Variants in AGAP1 observed in about 807,000 individuals in gnomAD.
The protein encoded by AGAP1 is ArfGAP with GTPase domain, ankyrin repeat and PH domain 1.
In AGAP1, 29 loss-of-function variants were observed where a neutral mutation model predicts 105.3. The ratio of observed to expected loss-of-function variants is 0.28; its 90% confidence interval spans 0.21 to 0.38. AGAP1 has a LOEUF of 0.38. AGAP1 is among the 10% of genes least tolerant of loss of function. The probability of loss-of-function intolerance (pLI) is 1.00; values close to 1 mark genes in which losing one functional copy is unlikely to be tolerated. For missense variants in AGAP1, 998 were observed against 1,165.1 expected, an observed-to-expected ratio of 0.86 and a Z score of 2.09; for synonymous variants, 509 against 485.9, an observed-to-expected ratio of 1.05 and a Z score of -0.63.
At chr2:235,920,663 A>T (rs2052139941) in intron 11 of AGAP1, among the ~76,000 whole-genome samples, 1 of 152,216 alleles carries the variant, frequency 6.6e-6, no homozygotes, top group African/African-American at 2.4e-5. Flanking sequence ...TACAGCACTA[A>T]AGCAAACAGG....
rs1250385668 is a variant in AGAP1, at chr2:235,930,384, G to A, written c.1325-381G>A. 6.6e-6 allele frequency among the ~76,000 whole-genome samples: 1 copy of A among 152,166 alleles called. No homozygotes were observed. The highest frequency in any genetic ancestry group is 6.5e-5 in the Admixed American group (1 of 15,284). On this transcript the variant is annotated intron_variant, in intron 11 of 17. Coordinates refer to ENST00000304032, the MANE Select transcript of AGAP1 (RefSeq NM_001037131.3). The surrounding 1 kb of genome is among the most constrained non-coding windows in gnomAD (Gnocchi z 7.9). ...GTTCCATTGGTAGGGTGACATGGCC[G>A]GGCTCCTGGAGCCCCCATCTTGCCG...
rs1360595731 is a variant in AGAP1 at position 235,609,285 on chromosome 2, G to C, written c.164-99894G>C. On this transcript the variant is annotated intron_variant, in intron 1 of 17. Transcript: ENST00000304032. This position sits in a 1 kb window ranked among gnomAD's most constrained non-coding sequence, Gnocchi z 5.1. ...AAGCAGATGTGGCCACTGGTGCTTG[G>C]AAGAGAACACAATGAAATTGAGTCC... 1.3e-5 allele frequency among the ~76,000 whole-genome samples: 2 copies of C among 152,112 alleles called. No homozygotes were observed. The highest frequency in any genetic ancestry group is 2.9e-5 in the Non-Finnish European group (2 of 68,036).
chr2:235,674,356 AATAAATG>A lies in AGAP1; in HGVS notation c.164-34814_164-34808del, dbSNP rs552597823. Among the ~76,000 whole-genome samples the A allele has an allele frequency of 8.8e-4, 134 of 152,350 alleles. No homozygotes were observed. The Middle Eastern group carries it at 0.024, about 27-fold the overall frequency. Reference sequence around the variant, plus strand: ...AATTTAATACAAGGAAAGATCAAATAATAAATGATAAATGACATTGTAGGGGGTCCCC... The same window carrying A: ...AATTTAATACAAGGAAAGATCAAATAATAAATGACATTGTAGGGGGTCCCC... On this transcript the variant is annotated intron_variant, in intron 1 of 17. Coordinates refer to ENST00000304032, the MANE Select transcript of AGAP1 (RefSeq NM_001037131.3).
rs982182032 is a variant in AGAP1, at chr2:235,714,662, T to C, written c.223-2895T>C. 1.3e-5 allele frequency among the ~76,000 whole-genome samples: 2 copies of C among 151,842 alleles called. No homozygotes were observed. The highest frequency in any genetic ancestry group is 4.8e-5 in the African/African-American group (2 of 41,344). On this transcript the variant is annotated intron_variant, in intron 2 of 17. Coordinates refer to ENST00000304032, the MANE Select transcript of AGAP1 (RefSeq NM_001037131.3). The surrounding 1 kb of genome is among the most constrained non-coding windows in gnomAD (Gnocchi z 4.1). ...GAGAGTGGGAGCGGCCAGGACTGGG[T>C]GACAGAGAACATTTGGATCCATGAG...
chr2:235,560,032 T>C (rs1248329190), intron 1 of AGAP1, among the ~76,000 whole-genome samples: 2 of 152,198 alleles, frequency 1.3e-5, no homozygotes, highest in African/African-American at 2.4e-5. Context: ...ATTTGGACTT[T>C]GGTGTCATAT....
rs2055002747 is a variant in AGAP1, at chr2:235,979,561, C to T, written c.1645+10938C>T. On this transcript the variant is annotated intron_variant, in intron 13 of 17. Coordinates refer to ENST00000304032, the MANE Select transcript of AGAP1 (RefSeq NM_001037131.3). This position sits in a 1 kb window ranked among gnomAD's most constrained non-coding sequence, Gnocchi z 4.5. Reference sequence around the variant, plus strand: ...CACCCCTTTCTCATCTCAGACATACCATAGGCACCAAGGTGTGGAGCCAGT... The same window carrying T: ...CACCCCTTTCTCATCTCAGACATACTATAGGCACCAAGGTGTGGAGCCAGT... Among the ~76,000 whole-genome samples the T allele has an allele frequency of 6.6e-6, 1 of 152,128 alleles. No homozygotes were observed. Among genetic ancestry groups the T allele is most frequent in the Non-Finnish European group, 1.5e-5 (1 of 68,036 alleles).
At chr2:235,539,399 A>G (rs777232842) in intron 1 of AGAP1, among the ~76,000 whole-genome samples, 11 of 152,196 alleles carry the variant, frequency 7.2e-5, no homozygotes, top group Non-Finnish European at 1.5e-4. Context: ...AGGGAAGGGA[A>G]TGGGCCATGG....
chr2:235,669,577 G>T (rs913264271), intron 1 of AGAP1: 4 of 147,890 alleles, frequency 2.7e-5, no homozygotes, highest in African/African-American at 9.8e-5. Context: ...CTTGCACGTC[G>T]GCCCCCGTCG....
intron 1 of AGAP1, among the ~76,000 whole-genome samples, chr2:235,646,863 C>T (rs1947404034): frequency 3.3e-5 from 5 of 152,236 alleles, no homozygotes; most frequent in South Asian, 2.1e-4. Context: ...TTGCCGCGTG[C>T]GGTGGCTCAC....
intron 1 of AGAP1, among the ~76,000 whole-genome samples, chr2:235,671,488 C>A (rs188697587): frequency 2.1e-3 from 326 of 152,292 alleles, no homozygotes; most frequent in African/African-American, 7.3e-3. Flanking sequence ...TTCATCCTGG[C>A]GCCCCTCCCT....
chr2:235,562,452 G>A (rs540298412), intron 1 of AGAP1, among the ~76,000 whole-genome samples: 13 of 152,092 alleles, frequency 8.5e-5, no homozygotes, highest in South Asian at 2.1e-4. Flanking sequence ...CGGATTGCAC[G>A]TGTTTCTGAG....
At chr2:235,595,071 G>A (rs1303626983) in intron 1 of AGAP1, among the ~76,000 whole-genome samples, 2 of 152,232 alleles carry the variant, frequency 1.3e-5, no homozygotes, top group Admixed American at 1.3e-4. Context: ...CGCCAGAGGG[G>A]CCTGTTGCAG....
intron 2 of AGAP1, among the ~76,000 whole-genome samples, chr2:235,710,003 C>T (rs771781229): frequency 5.3e-5 from 8 of 152,070 alleles, no homozygotes; most frequent in Non-Finnish European, 1.2e-4. Flanking sequence ...ATGTAGGTAT[C>T]TATGTATGTA....
rs1380650481 is a variant in AGAP1, at chr2:235,749,979, A to C, written c.539-375A>C. ...TGACCACACCTAGAAGAAGAATGCCAGTGTAGGGAGTATGCTTAGCCACCT... is the reference window on the plus strand; with the variant it reads ...TGACCACACCTAGAAGAAGAATGCCCGTGTAGGGAGTATGCTTAGCCACCT... On this transcript the variant is annotated intron_variant, in intron 5 of 17. Coordinates refer to ENST00000304032, the MANE Select transcript of AGAP1 (RefSeq NM_001037131.3). 2.0e-5 allele frequency among the ~76,000 whole-genome samples: 3 copies of C among 152,186 alleles called. No homozygotes were observed. The East Asian group carries it at 5.8e-4, about 29-fold the overall frequency.
chr2:236,040,911 G>T lies in AGAP1; in HGVS notation c.1891+70G>T. On this transcript the variant is annotated intron_variant, in intron 15 of 17. Coordinates refer to ENST00000304032, the MANE Select transcript of AGAP1 (RefSeq NM_001037131.3). The surrounding 1 kb of genome is among the most constrained non-coding windows in gnomAD (Gnocchi z 5.6). The stretch of plus-strand genomic sequence containing the variant: ...AGACCACATGGTCCCACTAGGCCCG[G>T]GTTGCAGGGGACTCACATCTGTCCT... The T allele has an allele frequency of 1.3e-6, 2 of 1,487,930 alleles. No homozygotes were observed. The highest frequency in any genetic ancestry group is 1.4e-5 in the African/African-American group (1 of 72,520). The allele number at this position is 1,487,930 out of a possible 1,614,324, so 92.2% of individuals were successfully genotyped here.
Position 235,930,656 on chromosome 2 carries a change from C to G in AGAP1, c.1325-109C>G. 1 of 1,143,838 alleles carries G rather than the reference C, an allele frequency of 8.7e-7. No homozygotes were observed. The allele number at this position is 1,143,838 out of a possible 1,614,324, so 70.9% of individuals were successfully genotyped here. On this transcript the variant is annotated intron_variant, in intron 11 of 17. Transcript: ENST00000304032. The surrounding 1 kb of genome is among the most constrained non-coding windows in gnomAD (Gnocchi z 7.9). ...ATGCAGGCAGGACAGGGGCTGCTCT[C>G]GGTGGTAAGGTGCACTATGTGCCAG...
chr2:235,915,515 C>CA (rs1411639843), intron 11 of AGAP1, among the ~76,000 whole-genome samples: 4 of 151,872 alleles, frequency 2.6e-5, no homozygotes, highest in Non-Finnish European at 5.9e-5. Context: ...CCTGTCTTTA[C>CA]AAAAAATGCA....
At chr2:235,589,056 C>T (rs552159801) in intron 1 of AGAP1, among the ~76,000 whole-genome samples, 3 of 152,134 alleles carry the variant, frequency 2.0e-5, no homozygotes, top group East Asian at 1.9e-4. Context: ...CACAGGTGCT[C>T]CTTGCTCTGG....
At chr2:235,524,572 C>A in intron 1 of AGAP1, 1 of 190,258 alleles carries the variant, frequency 5.3e-6, no homozygotes, top group Non-Finnish European at 1.3e-5. Flanking sequence ...TACTGCCCGC[C>A]CACCATGCCT....
Sources: gnomAD v4.1 joint callset for allele counts (sites outside exome capture counted in the v4.1 genomes callset) on GRCh38, gnomAD v4.1.1 for gene constraint, Gnocchi (gnomAD v3.1) non-coding constraint, MANE v1.5 for transcripts, NCBI Gene and HGNC (gene_info 2026-07-23, HGNC 2026-07-21) for gene names.